Variants in ESF1 observed in about 807,000 individuals in gnomAD.
ESF1 encodes the protein ESF1 nucleolar pre-rRNA processing protein.
ESF1 carries 58 observed loss-of-function variants against 92.0 expected under a neutral mutation model. The observed-to-expected ratio is 0.63, with a 90% CI of 0.51 to 0.78. The LOEUF (loss-of-function observed/expected upper bound fraction) is 0.78. Among genes scored for constraint, ESF1 ranks in the 30% least tolerant of loss-of-function variants. ESF1 has a pLI of 0.00. For synonymous variants in ESF1, 321 were observed against 313.7 expected (o/e 1.02, Z -0.24); for missense variants, 922 against 989.1 (o/e 0.93, Z 0.91).
At chr20:13,717,812 A>T (rs1442593461) in intron 12 of ESF1, among the ~76,000 whole-genome samples, 2 of 152,308 alleles carry the variant, frequency 1.3e-5, no homozygotes, top group East Asian at 1.9e-4. Flanking sequence ...CAGGAACAAG[A>T]GTCCCCAACT....
chr20:13,733,513 T>C (rs2049956897), intron 10 of ESF1, among the ~76,000 whole-genome samples: 1 of 152,246 alleles, frequency 6.6e-6, no homozygotes. Flanking sequence ...GAAGTGGCTC[T>C]GGACTGTGAC....
chr20:13,718,263 T>C (rs1228184869), intron 12 of ESF1, among the ~76,000 whole-genome samples: 1 of 152,246 alleles, frequency 6.6e-6, no homozygotes, highest in Non-Finnish European at 1.5e-5. Flanking sequence ...TTGATTTTCT[T>C]TGTTGCTCTT....
At chr20:13,736,844 C>T (rs1282292584) in intron 9 of ESF1, among the ~76,000 whole-genome samples, 2 of 152,136 alleles carry the variant, frequency 1.3e-5, no homozygotes, top group Admixed American at 6.5e-5. Flanking sequence ...CAGTTTAATA[C>T]AGTCTGTAAT....
At chr20:13,721,682 C>T (rs2049869167) in intron 11 of ESF1, among the ~76,000 whole-genome samples, 1 of 152,182 alleles carries the variant, frequency 6.6e-6, no homozygotes, top group Admixed American at 6.5e-5. Flanking sequence ...AATACTCTTG[C>T]ACACCTGTCC....
At chr20:13,735,372 T>C (rs144809947) in intron 9 of ESF1, among the ~76,000 whole-genome samples, 87 of 152,288 alleles carry the variant, frequency 5.7e-4, no homozygotes, top group African/African-American at 2.0e-3. Flanking sequence ...ATCTCTAACT[T>C]ACAGGATGCC....
intron 1 of ESF1, 184 bp downstream of exon 1, chr20:13,784,696 G>C (rs1320603183): frequency 4.2e-6 from 1 of 235,324 alleles, no homozygotes; most frequent in Non-Finnish European, 8.6e-6. Flanking sequence ...TTCGAGAAGC[G>C]ACCCTGAAAA....
intron 11 of ESF1, among the ~76,000 whole-genome samples, chr20:13,727,925 A>G (rs968199500): frequency 6.6e-6 from 1 of 152,244 alleles, no homozygotes; most frequent in African/African-American, 2.4e-5. Flanking sequence ...TAAAAAAATT[A>G]TACACATATC....
At chr20:13,778,411 C>G (rs1319857422) in intron 2 of ESF1, among the ~76,000 whole-genome samples, 1 of 151,676 alleles carries the variant, frequency 6.6e-6, no homozygotes, top group African/African-American at 2.4e-5. Flanking sequence ...TCTAGTATTG[C>G]AATATTTCTC....
chr20:13,740,249 A>T (rs1443745291), intron 9 of ESF1, among the ~76,000 whole-genome samples: 1 of 152,230 alleles, frequency 6.6e-6, no homozygotes, highest in Admixed American at 6.5e-5. Flanking sequence ...GAACAATGAG[A>T]TCACAATCAA....
At chr20:13,783,306 G>T in intron 1 of ESF1, 123 bp from the exon 2 acceptor site, 1 of 791,516 alleles carries the variant, frequency 1.3e-6, no homozygotes, top group Non-Finnish European at 1.9e-6. Context: ...TAAAATAGAG[G>T]TAACAAGTCT....
chr20:13,743,561 T>C (rs898897127), intron 9 of ESF1, among the ~76,000 whole-genome samples: 17 of 152,066 alleles, frequency 1.1e-4, no homozygotes, highest in African/African-American at 3.9e-4. Flanking sequence ...AAAAAGAAAA[T>C]CCTGCCATTT....
chr20:13,771,675 T>C (rs1412330831), intron 5 of ESF1, among the ~76,000 whole-genome samples, 192 bp from the exon 6 acceptor site: 1 of 152,148 alleles, frequency 6.6e-6, no homozygotes, highest in Non-Finnish European at 1.5e-5. Flanking sequence ...AAGGTACAGA[T>C]ATTTGGATTG....
intron 9 of ESF1, among the ~76,000 whole-genome samples, chr20:13,747,628 G>A (rs2147747403): frequency 6.6e-6 from 1 of 151,698 alleles, no homozygotes; most frequent in South Asian, 2.1e-4. Flanking sequence ...TATAGAATGA[G>A]GGTAATAGAG....
At chr20:13,735,004 G>A (rs139110554) in intron 9 of ESF1, among the ~76,000 whole-genome samples, 1 of 152,170 alleles carries the variant, frequency 6.6e-6, no homozygotes, top group Non-Finnish European at 1.5e-5. Flanking sequence ...TTGACCTACA[G>A]AATGAAGAAA....
chr20:13,758,002 A>G (rs1978977803), intron 9 of ESF1, among the ~76,000 whole-genome samples: 1 of 152,240 alleles, frequency 6.6e-6, no homozygotes, highest in Non-Finnish European at 1.5e-5. Context: ...GGACTCAAGT[A>G]AAATATTTCT....
chr20:13,732,454 C>T lies in ESF1; in HGVS notation c.1950+1267G>A, dbSNP rs1297333134. 3.3e-5 allele frequency among the ~76,000 whole-genome samples: 5 copies of T among 152,166 alleles called. No homozygotes were observed. In the South Asian group the frequency reaches 1.0e-3, roughly 32 times the overall value. Reference sequence around the variant, plus strand: ...TCCACTGCATCATTCAGCTTTGCATCTCTCTACCCGTCACAGCACTAAAAG... The same window carrying T: ...TCCACTGCATCATTCAGCTTTGCATTTCTCTACCCGTCACAGCACTAAAAG... On this transcript the variant is annotated intron_variant, in intron 10 of 13. Transcript: ENST00000617257.
At chr20:13,748,592 A>ATATATATATAT (rs1331098586) in intron 9 of ESF1, among the ~76,000 whole-genome samples, 3 of 95,724 alleles carry the variant, frequency 3.1e-5, no homozygotes, top group African/African-American at 1.9e-4. Context: ...ATATATATAT[A>ATATATATATAT]TTTTTTTTTT....
intron 9 of ESF1, among the ~76,000 whole-genome samples, chr20:13,755,011 T>A (rs977216211): frequency 6.6e-6 from 1 of 152,250 alleles, no homozygotes; most frequent in African/African-American, 2.4e-5. Flanking sequence ...TGACCTCTAC[T>A]TTCTTTAGTT....
intron 10 of ESF1, among the ~76,000 whole-genome samples, 172 bp from the exon 11 acceptor site, chr20:13,728,637 C>T (rs574975920): frequency 3.9e-5 from 6 of 152,128 alleles, no homozygotes; most frequent in Non-Finnish European, 7.4e-5. Context: ...GAGGCCAAGG[C>T]GGGTGGATCA....
Sources: gnomAD v4.1 joint callset for allele counts (sites outside exome capture counted in the v4.1 genomes callset) on GRCh38, gnomAD v4.1.1 for gene constraint, MANE v1.5 for transcripts, NCBI Gene and HGNC (gene_info 2026-07-23, HGNC 2026-07-21) for gene names.